The following ASB5 variants were observed in gnomAD, a reference collection of about 807,000 sequenced individuals.
The protein encoded by ASB5 is ankyrin repeat and SOCS box protein 5.
ASB5 carries 45 observed loss-of-function variants against 42.1 expected under a neutral mutation model. The ratio of observed to expected loss-of-function variants is 1.07; its 90% CI spans 0.84 to 1.37. The LOEUF is 1.37. Among genes scored for constraint, ASB5 ranks in the 40% most tolerant of loss-of-function variants. The pLI is 0.00. For missense variants in ASB5, 402 were observed against 399.8 expected, an observed-to-expected ratio of 1.01 and a Z score of -0.05; for synonymous variants, 147 against 150.6, an observed-to-expected ratio of 0.98 and a Z score of 0.18.
At chr4:176,232,961 C>G (rs964667503) in intron 1 of ASB5, among the ~76,000 whole-genome samples, 1 of 152,162 alleles carries the variant, frequency 6.6e-6, no homozygotes, top group Non-Finnish European at 1.5e-5. Flanking sequence ...TAAGATAGAC[C>G]TGAGTTCAAA....
intron 1 of ASB5, 104 bp downstream of exon 1, chr4:176,268,809 T>G: frequency 9.8e-7 from 1 of 1,016,130 alleles, no homozygotes; most frequent in Non-Finnish European, 1.4e-6. Context: ...AACAAAAGTT[T>G]ATAAAATATT....
At chr4:176,267,930 A>G (rs1754389594) in intron 1 of ASB5, among the ~76,000 whole-genome samples, 2 of 152,184 alleles carry the variant, frequency 1.3e-5, no homozygotes, top group African/African-American at 4.8e-5. Flanking sequence ...ATGTAGGAAC[A>G]TGGATTTTAA....
chr4:176,238,875 T>C (rs943534825), intron 1 of ASB5, among the ~76,000 whole-genome samples: 1 of 152,216 alleles, frequency 6.6e-6, no homozygotes. Context: ...ATCTTTTCCT[T>C]ATCTTCAATT....
At chr4:176,252,065 CAAAAAAA>C (rs1168453149) in intron 1 of ASB5, among the ~76,000 whole-genome samples, 115 of 51,696 alleles carry the variant, frequency 2.2e-3, no homozygotes, top group African/African-American at 8.9e-3. Context: ...GACCTTGTCT[CAAAAAAA>C]AAAAAAAAAA....
rs112532602 is a variant in ASB5, at chr4:176,245,490, G to T, written c.197-20149C>A. ...CAACCATTGTGGAAGACAGTGTGGCGATTCCTCAAGGATCTAGAACTAGAT... is the reference window on the plus strand; with the variant it reads ...CAACCATTGTGGAAGACAGTGTGGCTATTCCTCAAGGATCTAGAACTAGAT... On this transcript the variant is annotated intron_variant, in intron 1 of 6. Transcript: ENST00000296525. Among the ~76,000 whole-genome samples, 384 of 152,256 alleles carry T rather than the reference G, an allele frequency of 2.5e-3. 2 individuals are homozygous for T. Among genetic ancestry groups the T allele is most frequent in the African/African-American group, 8.5e-3 (354 of 41,540 alleles).
At chr4:176,274,280 G>C (rs1754527105) in intron 2 of ASB5, among the ~76,000 whole-genome samples, 1 of 152,056 alleles carries the variant, frequency 6.6e-6, no homozygotes, top group Admixed American at 6.6e-5. Context: ...ATATAGATTT[G>C]ACAGTAATAT....
intron 6 of ASB5, among the ~76,000 whole-genome samples, chr4:176,215,962 A>C (rs1317546077): frequency 6.6e-6 from 1 of 152,160 alleles, no homozygotes; most frequent in Non-Finnish European, 1.5e-5. Flanking sequence ...CCTCAGGCTT[A>C]GGAAATAATT....
intron 4 of ASB5, 75 bp downstream of exon 4, chr4:176,221,375 T>C (rs12501772): frequency 6.3e-7 from 1 of 1,596,564 alleles, no homozygotes; most frequent in African/African-American, 1.3e-5. Context: ...TGTCATTCAT[T>C]GAAAGATCAA....
intron 1 of ASB5, among the ~76,000 whole-genome samples, chr4:176,226,755 G>A (rs892766829): frequency 5.3e-5 from 8 of 152,108 alleles, no homozygotes; most frequent in African/African-American, 1.9e-4. Context: ...CAGCTTGAAT[G>A]CCCACCTCGC....
At chr4:176,230,330 T>G (rs1753502596) in intron 1 of ASB5, among the ~76,000 whole-genome samples, 1 of 152,190 alleles carries the variant, frequency 6.6e-6, no homozygotes, top group African/African-American at 2.4e-5. Context: ...GCTGTCACCT[T>G]AATTAAATGA....
chr4:176,235,898 G>A (rs1191927375), intron 1 of ASB5, among the ~76,000 whole-genome samples: 1 of 150,936 alleles, frequency 6.6e-6, no homozygotes. Flanking sequence ...ATCCAGACTG[G>A]AGGGCAGTGA....
At position 176,243,921 on chromosome 4, in the gene ASB5, T is replaced by C. The variant is rs543156050; in HGVS notation, c.197-18580A>G. On this transcript the variant is annotated intron_variant, in intron 1 of 6. Coordinates refer to ENST00000296525, the MANE Select transcript of ASB5 (RefSeq NM_080874.4). The stretch of plus-strand genomic sequence containing the variant: ...TATTTTCAACCTTTCTGAATCCTTA[T>C]GTTTTAGACAGGACATTTCTAAAAA... Among the ~76,000 whole-genome samples, 27 of 152,342 alleles carry C rather than the reference T, an allele frequency of 1.8e-4. No homozygotes were observed. In the East Asian group the frequency reaches 3.3e-3, roughly 18 times the overall value.
intron 1 of ASB5, among the ~76,000 whole-genome samples, chr4:176,267,549 A>G (rs1039302162): frequency 6.6e-6 from 1 of 152,064 alleles, no homozygotes; most frequent in Non-Finnish European, 1.5e-5. Flanking sequence ...TAGGAGTTCA[A>G]GGATGCAGTG....
At chr4:176,243,497 T>C (rs1001768193) in intron 1 of ASB5, among the ~76,000 whole-genome samples, 2 of 152,044 alleles carry the variant, frequency 1.3e-5, no homozygotes, top group Non-Finnish European at 2.9e-5. Flanking sequence ...GGTTTTTTCC[T>C]TTATTTTTAT....
At chr4:176,246,008 G>A (rs4613513) in intron 1 of ASB5, among the ~76,000 whole-genome samples, 137,218 of 151,700 alleles carry the variant, frequency 0.9, 62,257 homozygotes, top group Non-Finnish European at 0.93. Flanking sequence ...TAACAAACCT[G>A]CACGTTGTGC....
In ASB5 at chr4:176,231,289, C is replaced by T. The variant is rs145854376; in HGVS notation, c.197-5948G>A. ...CTTGTCATTTGCCAGTTCTGTTCGG[C>T]CATTTTAAGGAGCTCCAAGCTCCTT... On this transcript the variant is annotated intron_variant, in intron 1 of 6. Transcript: ENST00000296525. Among the ~76,000 whole-genome samples the T allele has an allele frequency of 6.1e-4, 93 of 151,968 alleles. No homozygotes were observed. The East Asian group carries it at 0.016, about 27-fold the overall frequency.
At chr4:176,218,897 G>T in intron 5 of ASB5, among the ~76,000 whole-genome samples, 1 of 55,236 alleles carries the variant, frequency 1.8e-5, no homozygotes, top group Non-Finnish European at 3.1e-5. Flanking sequence ...ATATATATTT[G>T]TATGATATAT....
chr4:176,241,396 G>GA, intron 1 of ASB5: 1 of 1,299,246 alleles, frequency 7.7e-7, no homozygotes, highest in South Asian at 1.4e-5. Flanking sequence ...ACTATTAAGG[G>GA]CTCACTAAGT....
At chr4:176,272,627 T>C (rs1754489497), upstream of ASB5, among the ~76,000 whole-genome samples, 1 of 152,190 alleles carries the variant, frequency 6.6e-6, no homozygotes, top group Admixed American at 6.5e-5. Flanking sequence ...AGTCTCTTGC[T>C]CACTCTTCTC....
Sources: gnomAD v4.1 joint callset for allele counts (sites outside exome capture counted in the v4.1 genomes callset) on GRCh38, gnomAD v4.1.1 for gene constraint, MANE v1.5 for transcripts, NCBI Gene and HGNC (gene_info 2026-07-23, HGNC 2026-07-21) for gene names.